Variants in PTPN22 observed in about 807,000 individuals in gnomAD.
PTPN22 encodes the protein tyrosine-protein phosphatase non-receptor type 22.
In PTPN22, 85 loss-of-function variants were observed where a neutral mutation model predicts 103.3. That is an observed-to-expected ratio of 0.82 (90% CI 0.69 to 0.99). The LOEUF is 0.99. Among genes scored for constraint, PTPN22 ranks in the 50% least tolerant of loss-of-function variants. The pLI is 0.00. For synonymous variants in PTPN22, 323 were observed against 310.2 expected, an observed-to-expected ratio of 1.04 and a Z score of -0.43; for missense variants, 865 against 936.9, an observed-to-expected ratio of 0.92 and a Z score of 1.00.
intron 10 of PTPN22, among the ~76,000 whole-genome samples, chr1:113,850,959 T>C (rs1284385134): frequency 6.6e-6 from 1 of 152,212 alleles, no homozygotes; most frequent in Non-Finnish European, 1.5e-5. Flanking sequence ...CTAAATTCTA[T>C]ATTAAAAATG....
intron 11 of PTPN22, 56 bp downstream of exon 11, chr1:113,848,484 T>C: frequency 1.2e-6 from 2 of 1,606,180 alleles, no homozygotes; most frequent in Non-Finnish European, 1.7e-6. Flanking sequence ...CTGACATCCC[T>C]TGACCAAAAG....
At chr1:113,825,641 C>T (rs1661982918) in intron 18 of PTPN22, among the ~76,000 whole-genome samples, 1 of 152,130 alleles carries the variant, frequency 6.6e-6, no homozygotes, top group African/African-American at 2.4e-5. Context: ...AGCTCTGATC[C>T]CACCACTGCA....
Position 113,855,056 on chromosome 1 carries a change from A to G in PTPN22, c.541-7T>C. 6.2e-7 allele frequency: 1 copy of G among 1,605,808 alleles called. No homozygotes were observed. The highest frequency in any genetic ancestry group is 8.5e-7 in the Non-Finnish European group (1 of 1,172,756). On this transcript the variant is annotated splice_region_variant and splice_polypyrimidine_tract_variant and intron_variant, in intron 7 of 20. Coordinates refer to ENST00000359785, the Ensembl canonical transcript of PTPN22. ...GGTAGATAGTTCGAGTTTCCTATAA[A>G]AAGTAGCCAGATGGGAGGGGAAGAG...
intron 11 of PTPN22, among the ~76,000 whole-genome samples, chr1:113,844,973 C>G (rs187406980): frequency 1.3e-5 from 2 of 152,184 alleles, no homozygotes; most frequent in Non-Finnish European, 2.9e-5. Context: ...CACATGCCAT[C>G]ACACCTGGCT....
At chr1:113,854,433 A>G in intron 9 of PTPN22, 38 bp downstream of exon 9, 1 of 1,551,538 alleles carries the variant, frequency 6.4e-7, no homozygotes, top group South Asian at 1.1e-5. Flanking sequence ...AAAGCAGTAG[A>G]CTAAGCAAAT....
intron 20 of PTPN22, among the ~76,000 whole-genome samples, chr1:113,818,267 C>A (rs1204393273): frequency 6.6e-6 from 1 of 152,000 alleles, no homozygotes; most frequent in Non-Finnish European, 1.5e-5. Context: ...CTGGTTCAAG[C>A]GATTCTCCTG....
intron 10 of PTPN22, among the ~76,000 whole-genome samples, chr1:113,851,747 T>C (rs1386879817): frequency 6.6e-6 from 1 of 152,230 alleles, no homozygotes; most frequent in Non-Finnish European, 1.5e-5. Flanking sequence ...TTGAATACTT[T>C]TACAACATCC....
At chr1:113,819,654 C>A in exon 20 of PTPN22, 1 of 1,585,954 alleles carries the variant, frequency 6.3e-7, no homozygotes, top group Non-Finnish European at 8.6e-7. Context: ...ATTACAGATA[C>A]CTAGAATCAA....
At chr1:113,846,080 A>G (rs1344130470) in intron 11 of PTPN22, among the ~76,000 whole-genome samples, 1 of 152,226 alleles carries the variant, frequency 6.6e-6, no homozygotes, top group African/African-American at 2.4e-5. Flanking sequence ...CAGTCTGGCA[A>G]TTCACTCTAC....
In PTPN22 at chr1:113,840,136, A is replaced by G. The variant is rs918719849; in HGVS notation, c.916-1516T>C. Among the ~76,000 whole-genome samples, 3 of 151,644 alleles carry G rather than the reference A, an allele frequency of 2.0e-5. No homozygotes were observed. In the Admixed American group the frequency reaches 2.0e-4, roughly 10 times the overall value. On this transcript the variant is annotated intron_variant, in intron 11 of 20. Transcript: ENST00000359785. ...TGAAGCAGGAGACTTGCTTGAGCCC[A>G]GGAGGCGGAGGTTGAAGTGAGCCGA...
chr1:113,817,258 T>C (rs1661238673), intron 20 of PTPN22, among the ~76,000 whole-genome samples: 1 of 152,210 alleles, frequency 6.6e-6, no homozygotes, highest in Admixed American at 6.5e-5. Context: ...AATGCATATA[T>C]TTGATCTCTT....
At chr1:113,850,949 C>T (rs1664518052) in intron 10 of PTPN22, among the ~76,000 whole-genome samples, 1 of 152,112 alleles carries the variant, frequency 6.6e-6, no homozygotes, top group Non-Finnish European at 1.5e-5. Flanking sequence ...TGGGTCAATT[C>T]TAAATTCTAT....
At chr1:113,824,402 C>T (rs762906687) in intron 19 of PTPN22, among the ~76,000 whole-genome samples, 1 of 152,090 alleles carries the variant, frequency 6.6e-6, no homozygotes, top group Non-Finnish European at 1.5e-5. Context: ...ACCCGGCCAT[C>T]ACCATGGTTT....
intron 11 of PTPN22, among the ~76,000 whole-genome samples, chr1:113,844,151 C>T (rs556689399): frequency 1.3e-5 from 2 of 152,008 alleles, no homozygotes; most frequent in East Asian, 3.9e-4. Context: ...TGTTAAAGAA[C>T]GATTTTTTTT....
chr1:113,831,500 A>T (rs1303293028), intron 16 of PTPN22, among the ~76,000 whole-genome samples: 29 of 152,074 alleles, frequency 1.9e-4, no homozygotes, highest in Admixed American at 1.8e-3. Context: ...AGTCCTTCAG[A>T]ATCTTGCCCC....
chr1:113,828,090 A>C (rs1190207938), intron 18 of PTPN22, among the ~76,000 whole-genome samples: 1 of 152,116 alleles, frequency 6.6e-6, no homozygotes, highest in Non-Finnish European at 1.5e-5. Context: ...GCCCATTTTT[A>C]TTTGGGGGTT....
chr1:113,825,020 G>A, intron 19 of PTPN22, 122 bp downstream of exon 19: 2 of 563,030 alleles, frequency 3.6e-6, no homozygotes, highest in South Asian at 2.4e-5. Flanking sequence ...CTGATTCATA[G>A]GACCCTATGG....
At chr1:113,841,637 C>T (rs7533391) in intron 11 of PTPN22, among the ~76,000 whole-genome samples, 36,367 of 147,528 alleles carry the variant, frequency 0.25, 5,115 homozygotes, top group South Asian at 0.4. Context: ...GAGTCTTACT[C>T]TGTCACCCAG....
At chr1:113,829,491 A>G in intron 18 of PTPN22, 101 bp downstream of exon 18, 1 of 602,676 alleles carries the variant, frequency 1.7e-6, no homozygotes, top group Non-Finnish European at 2.8e-6. Context: ...TAGTTTTAAT[A>G]AAGATATTTA....
Sources: allele counts gnomAD v4.1 joint callset (sites outside exome capture counted in the v4.1 genomes callset), GRCh38; gene constraint gnomAD v4.1.1; transcripts MANE v1.5; gene names NCBI Gene and HGNC (gene_info 2026-07-23, HGNC 2026-07-21).